FLT4: variants seen among roughly 807,000 people sequenced by gnomAD.
FLT4 encodes vascular endothelial growth factor receptor 3.
FLT4 carries 30 observed loss-of-function variants against 163.2 expected under a neutral mutation model. The observed-to-expected ratio is 0.18, with a 90% CI of 0.14 to 0.25. FLT4 has a LOEUF of 0.25. Ranked by LOEUF, FLT4 falls within the 10% of genes least tolerant of loss-of-function variation. The pLI, the probability that FLT4 is intolerant of heterozygous loss-of-function variation, is 1.00. For missense variants in FLT4, 1,510 were observed against 1,863.8 expected (o/e 0.81, Z 3.50); for synonymous variants, 884 against 789.5 (o/e 1.12, Z -2.01).
In FLT4 at chr5:180,621,536, C is replaced by G; in HGVS notation, c.2020+6G>C. 3.1e-6 allele frequency: 5 copies of G among 1,611,578 alleles called. No homozygotes were observed. The highest frequency in any genetic ancestry group is 4.2e-6 in the Non-Finnish European group (5 of 1,179,530). On this transcript the variant is annotated splice_donor_region_variant and intron_variant, in intron 13 of 29. Transcript: ENST00000261937. ...GCGTCCCCGCCCTCCCCGCGGCCAG[C>G]CTCACCCTGCACCGACAGGTACTTC...
rs142990837 is a variant in FLT4 at position 180,620,986 on chromosome 5, T to A, written c.2189A>T (p.Asn730Ile). 1 of 1,611,498 alleles carries A rather than the reference T, an allele frequency of 6.2e-7. No individual in the cohort carries two copies. Among genetic ancestry groups the A allele is most frequent in the Non-Finnish European group, 8.5e-7 (1 of 1,179,104 alleles). The change falls in exon 15 of 30, where the codon AAC (asparagine) becomes ATC (isoleucine). Residue 730 changes from asparagine to isoleucine, a missense_variant. Around this residue, in one of 5 missense-constraint regions of FLT4, gnomAD observed 878 missense variants for 1,016.7 expected, o/e 0.86. Coordinates refer to ENST00000261937, the MANE Select transcript of FLT4 (RefSeq NM_182925.5). The surrounding 1 kb of genome is among the most constrained non-coding windows in gnomAD (Gnocchi z 4.4). The stretch of plus-strand genomic sequence containing the variant: ...CACGCGCTGGATGCTCAGCTTCTGG[T>A]TGGAGTCCGCCAAGTCGACTCCTGC... ...EKSGVDLADS[N>I]QKLSIQRVRE...
At chr5:180,649,014 G>T (rs970502546) in intron 1 of FLT4, among the ~76,000 whole-genome samples, 1 of 152,162 alleles carries the variant, frequency 6.6e-6, no homozygotes, top group Non-Finnish European at 1.5e-5. Context: ...CGCCCTCTGG[G>T]GGACCGACCG....
chr5:180,607,852 T>C (rs1349528007), intron 29 of FLT4: 2 of 527,340 alleles, frequency 3.8e-6, no homozygotes, highest in Admixed American at 6.7e-5. Flanking sequence ...TGAAGGGACA[T>C]TGTGAGAAGT....
intron 28 of FLT4, 121 bp from the exon 29 acceptor site, chr5:180,609,174 G>C (rs962391911): frequency 3.8e-6 from 3 of 786,586 alleles, no homozygotes; most frequent in African/African-American, 3.4e-5. Flanking sequence ...ACCTGTCCCT[G>C]GGAAGCTGAG....
intron 11 of FLT4, 87 bp from the exon 12 acceptor site, chr5:180,622,926 C>T (rs948022793): frequency 2.0e-6 from 1 of 506,224 alleles, no homozygotes; most frequent in Non-Finnish European, 3.4e-6. Context: ...TCGCTGTGCA[C>T]CACCCCCCCC....
intron 22 of FLT4, 71 bp downstream of exon 22, chr5:180,616,829 A>C: frequency 8.4e-7 from 1 of 1,186,076 alleles, no homozygotes. Flanking sequence ...TGAGGCCAGT[A>C]CCAAGCACTT....
At chr5:180,610,515 C>T (rs906304858) in intron 27 of FLT4, among the ~76,000 whole-genome samples, 1 of 152,266 alleles carries the variant, frequency 6.6e-6, no homozygotes, top group African/African-American at 2.4e-5. Flanking sequence ...GAGCCTGCAT[C>T]TCAGCAACAC....
chr5:180,603,749 A>C (rs1176587380), intron 29 of FLT4, among the ~76,000 whole-genome samples: 7 of 152,130 alleles, frequency 4.6e-5, no homozygotes, highest in African/African-American at 1.7e-4. Flanking sequence ...CTAAAAATAC[A>C]AAACATTAGC....
In FLT4 at chr5:180,623,294, T is replaced by C. The variant is rs553440739; in HGVS notation, c.1549-455A>G. On this transcript the variant is annotated intron_variant, in intron 11 of 29. Coordinates refer to ENST00000261937, the MANE Select transcript of FLT4 (RefSeq NM_182925.5). The surrounding 1 kb of genome is among the most constrained non-coding windows in gnomAD (Gnocchi z 5.8). ...AGATGGCCTCCTCAGCCCAGAACTGTCCTCAGCAGCAATCCCGAGGCCCAG... is the reference window on the plus strand; with the variant it reads ...AGATGGCCTCCTCAGCCCAGAACTGCCCTCAGCAGCAATCCCGAGGCCCAG... Among the ~76,000 whole-genome samples the C allele has an allele frequency of 6.6e-6, 1 of 151,960 alleles. No homozygotes were observed.
At chr5:180,625,494 C>T (rs1428523180) in intron 10 of FLT4, among the ~76,000 whole-genome samples, 1 of 152,164 alleles carries the variant, frequency 6.6e-6, no homozygotes, top group Non-Finnish European at 1.5e-5. Flanking sequence ...TCAGGTGACA[C>T]CCCCCCAGGT....
rs2242221 is a variant in FLT4 at position 180,609,318 on chromosome 5, A to G, written c.3808-265T>C. 0.28 allele frequency: 152,844 copies of G among 555,046 alleles called. 21,911 individuals carry two copies. The highest frequency in any genetic ancestry group is 0.36 in the Middle Eastern group (749 of 2,064). The allele number at this position is 555,046 out of a possible 1,614,324, so 34.4% of individuals were successfully genotyped here. A position where few individuals can be genotyped will look rare whatever the true frequency, so the allele number is the denominator to read the frequency against. The stretch of plus-strand genomic sequence containing the variant: ...TTGGGGACCTCCACGGTGGCCAAGC[A>G]TATGCTCAGTGTGTGAAGAGCAGGA... On this transcript the variant is annotated intron_variant, in intron 28 of 29. Transcript: ENST00000261937.
At chr5:180,649,453 C>A in intron 1 of FLT4, 35 bp downstream of exon 1, 1 of 1,440,606 alleles carries the variant, frequency 6.9e-7, no homozygotes, top group East Asian at 3.1e-5. Flanking sequence ...CGGCCAGCCC[C>A]ACGCTCGGGC....
At position 180,601,740 on chromosome 5, in the gene FLT4, C is replaced by G; in HGVS notation, c.*1452G>C. The G allele has an allele frequency of 4.3e-6, 1 of 233,094 alleles. No individual in the cohort carries two copies. Among genetic ancestry groups the G allele is most frequent in the Non-Finnish European group, 8.5e-6 (1 of 118,042 alleles). 14.4% of individuals were successfully genotyped at this position (233,094 alleles called of 1,614,324 possible). A position where few individuals can be genotyped will look rare whatever the true frequency, so the allele number is the denominator to read the frequency against. The stretch of plus-strand genomic sequence containing the variant: ...CCTGACACGCCAGTCCCACGTTGGA[C>G]GACGTGCAGAGGAAGGGGGAGGTCC... On this transcript the variant is annotated 3_prime_UTR_variant, in exon 30 of 30. Transcript: ENST00000261937.
chr5:180,608,265 T>G (rs1479085306), intron 29 of FLT4: 1 of 700,778 alleles, frequency 1.4e-6, no homozygotes, highest in South Asian at 1.5e-5. Flanking sequence ...TGCTGCCTTC[T>G]CTCTCTCTGC....
chr5:180,611,675 ACC>A (rs869114500), intron 26 of FLT4, 196 bp from the exon 27 acceptor site: 5 of 591,754 alleles, frequency 8.4e-6, no homozygotes, highest in Non-Finnish European at 1.2e-5. Context: ...TGGGCTCCTG[ACC>A]CCTGAGATAG....
At position 180,626,273 on chromosome 5, in the gene FLT4, G is replaced by A. The variant is rs745388104; in HGVS notation, c.1104-8C>T. 1.2e-6 allele frequency: 2 copies of A among 1,611,336 alleles called. No individual in the cohort carries two copies. Among genetic ancestry groups the A allele is most frequent in the South Asian group, 1.1e-5 (1 of 91,088 alleles). ...GCCTTTCCATCCTTGTACCTGGCCA[G>A]GGAAGGGAGGTCAGGGCCCATACAG... On this transcript the variant is annotated splice_region_variant and splice_polypyrimidine_tract_variant and intron_variant, in intron 8 of 29. Coordinates refer to ENST00000261937, the MANE Select transcript of FLT4 (RefSeq NM_182925.5).
In FLT4 at chr5:180,630,595, G is replaced by T. The variant is rs555609601; in HGVS notation, c.360C>A (p.Ile120=). 8 of 1,612,876 alleles carry T rather than the reference G, an allele frequency of 5.0e-6. No individual in the cohort carries two copies. The highest frequency in any genetic ancestry group is 6.8e-6 in the Non-Finnish European group (8 of 1,179,974). Residue 120 remains isoleucine, a synonymous_variant, in exon 3 of 30, where the codon ATC becomes ATA. Transcript: ENST00000261937. The surrounding 1 kb of genome is among the most constrained non-coding windows in gnomAD (Gnocchi z 6.3). ...VCYYKYIKAR[I]EGTTAASSYV... ...AGGAGCTGGCGGCCGTGGTGCCCTC[G>T]ATGCGTGCCTTGATGTACTTGTAGT...
rs140517010 is a variant in FLT4, at chr5:180,618,518, G to A, written c.3001+252C>T. ...AAATACTGTTGCTCTGTGGGGGCCG[G>A]GCACCTGCTGCTTGGCCCTCCACTG... On this transcript the variant is annotated intron_variant, in intron 21 of 29. Coordinates refer to ENST00000261937, the MANE Select transcript of FLT4 (RefSeq NM_182925.5). 4.1e-4 allele frequency among the ~76,000 whole-genome samples: 62 copies of A among 152,302 alleles called. 1 individual carries two copies. Among genetic ancestry groups the A allele is most frequent in the African/African-American group, 1.5e-3 (61 of 41,564 alleles).
At position 180,631,874 on chromosome 5, in the gene FLT4, C is replaced by T. The variant is rs142109506; in HGVS notation, c.59-96G>A. On this transcript the variant is annotated intron_variant, in intron 1 of 29. Transcript: ENST00000261937. Reference sequence around the variant, plus strand: ...GCATTCTGCATCGCAAGCGCAGACCCCTGCAGGGCCGGAGCAGCTCAGGTT... The same window carrying T: ...GCATTCTGCATCGCAAGCGCAGACCTCTGCAGGGCCGGAGCAGCTCAGGTT... 608 of 851,640 alleles carry T rather than the reference C, an allele frequency of 7.1e-4. 2 individuals are homozygous for T. The African/African-American group carries it at 8.4e-3, about 12-fold the overall frequency. The allele number at this position is 851,640 out of a possible 1,614,324, so 52.8% of individuals were successfully genotyped here. A position where few individuals can be genotyped will look rare whatever the true frequency, so the allele number is the denominator to read the frequency against.
Sources: gnomAD v4.1 joint callset for allele counts (sites outside exome capture counted in the v4.1 genomes callset) on GRCh38, gnomAD v4.1.1 for gene constraint, gnomAD v4.1.1 regional missense constraint, Gnocchi (gnomAD v3.1) non-coding constraint, MANE v1.5 for transcripts, NCBI Gene and HGNC (gene_info 2026-07-23, HGNC 2026-07-21) for gene names.